Variants in CDK7 observed in about 807,000 individuals in gnomAD.
The protein encoded by CDK7 is cyclin dependent kinase 7.
CDK7 carries 25 observed loss-of-function variants against 49.1 expected under a neutral mutation model. That is an observed-to-expected ratio of 0.51 (90% confidence interval 0.37 to 0.71). The LOEUF (loss-of-function observed/expected upper bound fraction) is 0.71. Ranked by LOEUF, CDK7 falls within the 30% of genes least tolerant of loss-of-function variation. CDK7 has a pLI of 0.00. For synonymous variants in CDK7, 107 were observed against 140.0 expected (o/e 0.76, Z 1.67); for missense variants, 316 against 411.7 (o/e 0.77, Z 2.01).
At chr5:69,260,568 C>G (rs1750752028) in intron 7 of CDK7, among the ~76,000 whole-genome samples, 1 of 151,882 alleles carries the variant, frequency 6.6e-6, no homozygotes, top group Admixed American at 6.6e-5. Context: ...TTTATTGGAC[C>G]CATTTTTATT....
chr5:69,253,974 C>T (rs1030340035), intron 3 of CDK7, among the ~76,000 whole-genome samples: 2 of 152,038 alleles, frequency 1.3e-5, no homozygotes, highest in African/African-American at 4.8e-5. Context: ...GAGGTGCACA[C>T]CTGTGGTCCC....
Position 69,276,536 on chromosome 5 carries a change from T to C in CDK7, c.865-7T>C, listed in dbSNP as rs1411711898. 6.2e-7 allele frequency: 1 copy of C among 1,612,088 alleles called. No individual in the cohort carries two copies. The highest frequency in any genetic ancestry group is 1.1e-5 in the South Asian group (1 of 90,916). On this transcript the variant is annotated splice_polypyrimidine_tract_variant and splice_region_variant and intron_variant, in intron 10 of 11. Coordinates refer to ENST00000256443, the MANE Select transcript of CDK7 (RefSeq NM_001799.4). ...TACCTTACTTTTGGTATCTTTTCTT[T>C]TAAAAGGCACTGAAAATGAAGTATT...
intron 7 of CDK7, 144 bp from the exon 8 acceptor site, chr5:69,262,061 C>G: frequency 1.1e-6 from 1 of 916,768 alleles, no homozygotes; most frequent in African/African-American, 1.7e-5. Flanking sequence ...ATATTTAAAA[C>G]TTCATGAAAG....
intron 8 of CDK7, among the ~76,000 whole-genome samples, chr5:69,266,620 T>G (rs1413208332): frequency 6.6e-6 from 1 of 151,716 alleles, no homozygotes; most frequent in East Asian, 1.9e-4. Context: ...AGGAAAGTTC[T>G]GGGAAAGCAG....
intron 3 of CDK7, among the ~76,000 whole-genome samples, chr5:69,253,529 G>A (rs1750286057): frequency 6.6e-6 from 1 of 152,066 alleles, no homozygotes; most frequent in Non-Finnish European, 1.5e-5. Flanking sequence ...GCCTCCCAAA[G>A]TGCTGGGATT....
In CDK7 at chr5:69,277,318, T is replaced by G; in HGVS notation, c.*183T>G. 1 of 446,592 alleles carries G rather than the reference T, an allele frequency of 2.2e-6. No individual in the cohort carries two copies. Among genetic ancestry groups the G allele is most frequent in the Non-Finnish European group, 4.0e-6 (1 of 251,148 alleles). The allele number at this position is 446,592 out of a possible 1,614,324, so 27.7% of individuals were successfully genotyped here. On this transcript the variant is annotated 3_prime_UTR_variant, in exon 12 of 12. Transcript: ENST00000256443. Reference sequence around the variant, plus strand: ...TTTAAAATAAAAATTTAATTCTGGTTTTTCTGATTAGAGTGCAAAAGTGAG... The same window carrying G: ...TTTAAAATAAAAATTTAATTCTGGTGTTTCTGATTAGAGTGCAAAAGTGAG...
At chr5:69,234,800 G>C, upstream of CDK7, 1 of 632,868 alleles carries the variant, frequency 1.6e-6, no homozygotes, top group Non-Finnish European at 2.8e-6. Context: ...GGTGGGGAAC[G>C]CCAACCGCCT....
chr5:69,236,979 T>TTA lies in CDK7; in HGVS notation c.126+1526_126+1527insTA, dbSNP rs1280674683. Among the ~76,000 whole-genome samples the TTA allele has an allele frequency of 6.0e-5, 8 of 133,234 alleles. No individual in the cohort carries two copies. In the South Asian group the frequency reaches 7.5e-4, roughly 12 times the overall value. 87.4% of individuals were successfully genotyped at this position (133,234 alleles called of 152,430 possible). On this transcript the variant is annotated intron_variant, in intron 2 of 11. Coordinates refer to ENST00000256443, the MANE Select transcript of CDK7 (RefSeq NM_001799.4). ...CTTTTTTTTTTTTTTTTTTTTTTTT[T>TTA]AACTTTTTTACTTTTTTTATGTCCG...
chr5:69,274,365 C>T (rs1014056827), intron 10 of CDK7, among the ~76,000 whole-genome samples: 5 of 152,104 alleles, frequency 3.3e-5, no homozygotes, highest in African/African-American at 9.7e-5. Context: ...GCCGGTGCAT[C>T]GGCTCACACC....
At chr5:69,249,438 G>A (rs565852388) in intron 2 of CDK7, among the ~76,000 whole-genome samples, 2 of 152,082 alleles carry the variant, frequency 1.3e-5, no homozygotes, top group African/African-American at 4.8e-5. Context: ...CTTCTTGGGG[G>A]GGTCTGAGTG....
chr5:69,240,498 TTGGA>T (rs1304133814), intron 2 of CDK7, among the ~76,000 whole-genome samples: 1 of 151,948 alleles, frequency 6.6e-6, no homozygotes, highest in Non-Finnish European at 1.5e-5. Context: ...AAAGGAGAGG[TTGGA>T]TGAATGAAGT....
intron 1 of CDK7, 34 bp from the exon 2 acceptor site, chr5:69,235,360 C>T (rs774931185): frequency 4.1e-6 from 6 of 1,475,206 alleles, no homozygotes; most frequent in East Asian, 4.5e-5. Context: ...CAAAAACTCC[C>T]ATAAACTTAT....
chr5:69,256,658 T>C (rs757747240), intron 5 of CDK7, among the ~76,000 whole-genome samples: 1 of 152,120 alleles, frequency 6.6e-6, no homozygotes, highest in Non-Finnish European at 1.5e-5. Context: ...TTTAGATAAA[T>C]ACCTAGCAGT....
chr5:69,260,312 C>T (rs936591953), intron 7 of CDK7, among the ~76,000 whole-genome samples: 9 of 151,816 alleles, frequency 5.9e-5, no homozygotes, highest in Non-Finnish European at 8.8e-5. Flanking sequence ...ATTGCACCAC[C>T]GCACTCCAGC....
chr5:69,272,796 C>G, intron 9 of CDK7, 96 bp from the exon 10 acceptor site: 1 of 675,252 alleles, frequency 1.5e-6, no homozygotes, highest in Non-Finnish European at 2.2e-6. Flanking sequence ...TTGGAATTTT[C>G]TATATAAACC....
intron 2 of CDK7, among the ~76,000 whole-genome samples, chr5:69,241,804 A>G (rs1266574295): frequency 6.6e-6 from 1 of 151,954 alleles, no homozygotes; most frequent in Non-Finnish European, 1.5e-5. Context: ...TATATTCTGG[A>G]TATTAATCTC....
At chr5:69,245,473 T>C (rs935137342) in intron 2 of CDK7, among the ~76,000 whole-genome samples, 18 of 151,890 alleles carry the variant, frequency 1.2e-4, no homozygotes, top group Admixed American at 1.1e-3. Flanking sequence ...CCCAAGTAGC[T>C]GGGATTACAG....
Position 69,247,017 on chromosome 5 carries a change from A to G in CDK7, c.127-5401A>G, listed in dbSNP as rs937672838. On this transcript the variant is annotated intron_variant, in intron 2 of 11. Transcript: ENST00000256443. ...TTTAAGACTTGTTTTGTGGCCTAAC[A>G]TATGGTCTGTCCTTGAGAATCATTC... Among the ~76,000 whole-genome samples, 10 of 152,232 alleles carry G rather than the reference A, an allele frequency of 6.6e-5. No individual in the cohort carries two copies. In the East Asian group the frequency reaches 1.9e-3, roughly 29 times the overall value.
intron 2 of CDK7, among the ~76,000 whole-genome samples, chr5:69,236,537 C>T (rs896819767): frequency 1.4e-5 from 2 of 147,274 alleles, no homozygotes; most frequent in African/African-American, 5.1e-5. Context: ...AACATTAATT[C>T]CCCCTTTTTT....
Sources: gnomAD v4.1 joint callset for allele counts (sites outside exome capture counted in the v4.1 genomes callset) on GRCh38, gnomAD v4.1.1 for gene constraint, MANE v1.5 for transcripts, NCBI Gene and HGNC (gene_info 2026-07-23, HGNC 2026-07-21) for gene names.